Variants in RTN4IP1 observed in about 807,000 individuals in gnomAD.
RTN4IP1 encodes the protein reticulon 4 interacting protein 1.
In RTN4IP1, 32 loss-of-function variants were observed where a neutral mutation model predicts 46.6. The ratio of observed to expected loss-of-function variants is 0.69; its 90% CI spans 0.52 to 0.92. The LOEUF (loss-of-function observed/expected upper bound fraction) is 0.92. Among genes scored for constraint, RTN4IP1 ranks in the 40% least tolerant of loss-of-function variants. RTN4IP1 has a pLI of 0.00. For synonymous variants in RTN4IP1, 167 were observed against 161.8 expected (o/e 1.03, Z -0.24); for missense variants, 424 against 485.8 (o/e 0.87, Z 1.20).
In RTN4IP1 at chr6:106,587,841, A is replaced by G; in HGVS notation, c.828T>C (p.Asn276=). The G allele has an allele frequency of 1.2e-6, 2 of 1,612,976 alleles. No individual in the cohort carries two copies. Among genetic ancestry groups the G allele is most frequent in the Non-Finnish European group, 1.7e-6 (2 of 1,179,488 alleles). ...SLKPFDFILD[N]VGGSTETWAP... ...CCCATGTTTCAGTGGATCCGCCAAC[A>G]TTATCAAGGATAAAATCAAATCTGG... Residue 276 remains asparagine, a synonymous_variant, in exon 7 of 9, where the codon AAT becomes AAC. Transcript: ENST00000369063.
intron 4 of RTN4IP1, among the ~76,000 whole-genome samples, chr6:106,606,891 A>G (rs1776089880): frequency 6.6e-6 from 1 of 152,164 alleles, no homozygotes; most frequent in African/African-American, 2.4e-5. Flanking sequence ...CTTCACAGAA[A>G]TTTTTTAAAT....
intron 8 of RTN4IP1, among the ~76,000 whole-genome samples, chr6:106,577,446 T>TAAAAA (rs1190018881): frequency 3.3e-4 from 1 of 3,072 alleles, no homozygotes; most frequent in African/African-American, 7.6e-4. Context: ...AGACCCTGTC[T>TAAAAA]CAAAAAAAAA....
chr6:106,622,406 AT>A lies in RTN4IP1; in HGVS notation c.426+411del, dbSNP rs1776505292. Reference sequence around the variant, plus strand: ...GGGTGTTGCACAGCTTTAGTAAAACATTTGGCTGAAAGCAGCCTAATTCTCT... The same window carrying A: ...GGGTGTTGCACAGCTTTAGTAAAACATTGGCTGAAAGCAGCCTAATTCTCT... On this transcript the variant is annotated intron_variant, in intron 2 of 8. Coordinates refer to ENST00000369063, the MANE Select transcript of RTN4IP1 (RefSeq NM_032730.5). 3.3e-5 allele frequency among the ~76,000 whole-genome samples: 5 copies of A among 152,240 alleles called. No individual in the cohort carries two copies. The South Asian group carries it at 1.0e-3, about 31-fold the overall frequency.
At position 106,587,725 on chromosome 6, in the gene RTN4IP1, T is replaced by C. The variant is rs945698336; in HGVS notation, c.944A>G (p.Asp315Gly). The change falls in exon 7 of 9, where the codon GAT becomes GGT. Residue 315 changes from aspartate to glycine, a missense_variant. Physicochemically the swap from Asp to Gly is moderately conservative, Grantham distance 94. Transcript: ENST00000369063. ...AGTGACTCCTGTCTGCAACATGCCA[T>C]CTGCTATGCCCAATCGGTCCATGTT... ...LLNMDRLGIA[D>G]GMLQTGVTVG... 1.2e-6 allele frequency: 2 copies of C among 1,613,548 alleles called. No homozygotes were observed. Among genetic ancestry groups the C allele is most frequent in the Non-Finnish European group, 1.7e-6 (2 of 1,179,892 alleles).
At chr6:106,583,713 A>G in intron 7 of RTN4IP1, 1 of 327,354 alleles carries the variant, frequency 3.1e-6, no homozygotes, top group Non-Finnish European at 5.9e-6. Flanking sequence ...ATGATCATCT[A>G]AATGGTTTTC....
At chr6:106,582,515 T>C (rs1775393699) in intron 8 of RTN4IP1, among the ~76,000 whole-genome samples, 1 of 152,228 alleles carries the variant, frequency 6.6e-6, no homozygotes, top group Non-Finnish European at 1.5e-5. Context: ...CTTGGCAAGT[T>C]GGCTTTTTCA....
chr6:106,622,720 C>A, intron 2 of RTN4IP1, 98 bp downstream of exon 2: 1 of 1,307,314 alleles, frequency 7.6e-7, no homozygotes, highest in South Asian at 1.5e-5. Context: ...GCTGCACTGA[C>A]AGGCAAAGTA....
intron 4 of RTN4IP1, among the ~76,000 whole-genome samples, chr6:106,606,086 T>C (rs1028941446): frequency 3.9e-5 from 6 of 152,090 alleles, no homozygotes; most frequent in Non-Finnish European, 8.8e-5. Flanking sequence ...CCTCTTAGAA[T>C]TGATAAACAA....
intron 8 of RTN4IP1, among the ~76,000 whole-genome samples, chr6:106,576,913 T>C (rs536938314): frequency 6.6e-6 from 1 of 152,306 alleles, no homozygotes; most frequent in East Asian, 1.9e-4. Context: ...CTGGGTCAAG[T>C]AAGTGATAGT....
intron 7 of RTN4IP1, 57 bp downstream of exon 7, chr6:106,587,622 C>T: frequency 2.0e-6 from 3 of 1,534,102 alleles, no homozygotes; most frequent in Non-Finnish European, 2.7e-6. Flanking sequence ...AGGTGGGAAA[C>T]CAATTTCTAG....
At chr6:106,589,453 T>C (rs1256773342) in intron 6 of RTN4IP1, among the ~76,000 whole-genome samples, 2 of 151,862 alleles carry the variant, frequency 1.3e-5, no homozygotes, top group Non-Finnish European at 2.9e-5. Context: ...TTTCCAAGTT[T>C]TGAATGAACA....
intron 4 of RTN4IP1, among the ~76,000 whole-genome samples, chr6:106,612,767 G>A (rs920920004): frequency 2.0e-5 from 3 of 151,680 alleles, no homozygotes; most frequent in Admixed American, 6.6e-5. Flanking sequence ...CCTGACTCCC[G>A]CCAAAGCACT....
intron 2 of RTN4IP1, among the ~76,000 whole-genome samples, chr6:106,621,743 A>G (rs1397659929): frequency 6.6e-6 from 1 of 152,220 alleles, no homozygotes; most frequent in Non-Finnish European, 1.5e-5. Context: ...TTCGAGTCCC[A>G]ATAAGACCAC....
chr6:106,594,326 A>G lies in RTN4IP1; in HGVS notation c.670-2026T>C, dbSNP rs141626759. 6.6e-5 allele frequency among the ~76,000 whole-genome samples: 10 copies of G among 152,148 alleles called. No individual in the cohort carries two copies. The East Asian group carries it at 1.9e-3, about 29-fold the overall frequency. The stretch of plus-strand genomic sequence containing the variant: ...AGTCTGAGACCTGCCTAGGCAACGT[A>G]GTGAAACCCCGTCTCTACTAAAAAT... On this transcript the variant is annotated intron_variant, in intron 5 of 8. Transcript: ENST00000369063.
intron 4 of RTN4IP1, 138 bp downstream of exon 4, chr6:106,619,064 G>A (rs781729851): frequency 7.3e-6 from 7 of 961,078 alleles, no homozygotes; most frequent in Non-Finnish European, 1.1e-5. Context: ...AGAATGCTTT[G>A]GAAATTGTTT....
At position 106,572,054 on chromosome 6, in the gene RTN4IP1, G is replaced by C. The variant is rs1775078677; in HGVS notation, c.1133C>G (p.Ala378Gly). 3.7e-6 allele frequency: 6 copies of C among 1,613,934 alleles called. No individual in the cohort carries two copies. The highest frequency in any genetic ancestry group is 1.7e-5 in the Admixed American group (1 of 60,002). ...QTFPFSKVPE[A>G]FLKVERGHAR... is the part of the protein sequence containing the mutation. Reference sequence around the variant, plus strand: ...GTGTCCTCTTTCCACCTTCAGGAAGGCTTCTGGAACTTTAGAAAAAGGAAA... The same window carrying C: ...GTGTCCTCTTTCCACCTTCAGGAAGCCTTCTGGAACTTTAGAAAAAGGAAA... Residue 378 changes from alanine to glycine, a missense_variant, in exon 9 of 9, where the codon GCC becomes GGC. Coordinates refer to ENST00000369063, the MANE Select transcript of RTN4IP1 (RefSeq NM_032730.5).
intron 4 of RTN4IP1, among the ~76,000 whole-genome samples, chr6:106,618,112 G>T (rs1776396439): frequency 6.6e-6 from 1 of 152,158 alleles, no homozygotes; most frequent in Non-Finnish European, 1.5e-5. Flanking sequence ...AGGAAGGGTA[G>T]TACCTCACTA....
chr6:106,589,315 GGAA>G (rs1441204078), intron 6 of RTN4IP1, among the ~76,000 whole-genome samples: 1 of 142,036 alleles, frequency 7.0e-6, no homozygotes, highest in Non-Finnish European at 1.5e-5. Context: ...AGGAGGAGGA[GGAA>G]GAGGAAGAAG....
At chr6:106,580,901 A>G (rs1775355091) in intron 8 of RTN4IP1, among the ~76,000 whole-genome samples, 1 of 152,022 alleles carries the variant, frequency 6.6e-6, no homozygotes, top group Admixed American at 6.6e-5. Context: ...CACCCATACA[A>G]ATACTATGTA....
Sources: gnomAD v4.1 joint callset for allele counts (sites outside exome capture counted in the v4.1 genomes callset) on GRCh38, gnomAD v4.1.1 for gene constraint, MANE v1.5 for transcripts, NCBI Gene and HGNC (gene_info 2026-07-23, HGNC 2026-07-21) for gene names.